KAZN: variants seen among roughly 807,000 people sequenced by gnomAD.
The protein encoded by KAZN is kazrin.
KAZN carries 40 observed loss-of-function variants against 87.4 expected under a neutral mutation model. That is an observed-to-expected ratio of 0.46 (90% CI 0.36 to 0.60). The LOEUF is 0.60. Ranked by LOEUF, KAZN falls within the 20% of genes least tolerant of loss-of-function variation. KAZN has a pLI of 0.00. For missense variants in KAZN, 898 were observed against 1,073.9 expected, an observed-to-expected ratio of 0.84 and a Z score of 2.29; for synonymous variants, 466 against 458.3, an observed-to-expected ratio of 1.02 and a Z score of -0.22.
intron 1 of KAZN, among the ~76,000 whole-genome samples, chr1:14,902,118 A>T (rs569955488): frequency 2.0e-5 from 3 of 152,310 alleles, no homozygotes; most frequent in African/African-American, 7.2e-5. Flanking sequence ...CCGTGCACGC[A>T]CTTGAAAACG....
chr1:14,904,901 A>G (rs1227781405), intron 1 of KAZN, among the ~76,000 whole-genome samples: 1 of 152,066 alleles, frequency 6.6e-6, no homozygotes, highest in African/African-American at 2.4e-5. Context: ...AGCTGGAACT[A>G]CAGGCGCTGG....
intron 2 of KAZN, among the ~76,000 whole-genome samples, chr1:14,236,202 G>T (rs984736136): frequency 1.3e-5 from 2 of 152,164 alleles, no homozygotes; most frequent in African/African-American, 4.8e-5. Flanking sequence ...ACCCTAAGTG[G>T]CTTTAGGCTC....
At position 15,103,333 on chromosome 1, in the gene KAZN, C is replaced by T. The variant is rs779022544; in HGVS notation, c.1780-26C>T. The T allele has an allele frequency of 7.2e-6, 11 of 1,535,348 alleles. No homozygotes were observed. In the African/African-American group the frequency reaches 8.3e-5, roughly 12 times the overall value. On this transcript the variant is annotated intron_variant, in intron 11 of 14. Transcript: ENST00000376030. ...GCCTCTGCGTGTCCCCTTGTCCCTC[C>T]GAATGACCCACTGTCTCCCCACAAG...
intron 2 of KAZN, among the ~76,000 whole-genome samples, chr1:14,278,814 A>G (rs1652605219): frequency 6.6e-6 from 1 of 151,702 alleles, no homozygotes; most frequent in African/African-American, 2.4e-5. Context: ...TAAATGTCCC[A>G]CATTCTGGAT....
At chr1:14,652,407 A>G (rs1340845837) in intron 1 of KAZN, among the ~76,000 whole-genome samples, 1 of 111,896 alleles carries the variant, frequency 8.9e-6, no homozygotes, top group Non-Finnish European at 1.9e-5. Flanking sequence ...TCTCTGTCTC[A>G]GCATCATATA....
intron 11 of KAZN, among the ~76,000 whole-genome samples, chr1:15,102,049 C>T (rs1641091855): frequency 6.6e-6 from 1 of 152,092 alleles, no homozygotes; most frequent in Non-Finnish European, 1.5e-5. Flanking sequence ...GTGCTCAGTG[C>T]AGGGGAAATG....
At chr1:13,896,241 T>C (rs1355392985) in intron 1 of KAZN, among the ~76,000 whole-genome samples, 1 of 152,204 alleles carries the variant, frequency 6.6e-6, no homozygotes, top group Non-Finnish European at 1.5e-5. Flanking sequence ...GGCTCTACCG[T>C]TGTAGCATGA....
chr1:14,084,844 C>A (rs1643804834), intron 1 of KAZN, among the ~76,000 whole-genome samples: 1 of 151,978 alleles, frequency 6.6e-6, no homozygotes, highest in Admixed American at 6.5e-5. Context: ...CAAACCTGCA[C>A]GTTGTGCACA....
intron 1 of KAZN, among the ~76,000 whole-genome samples, chr1:14,936,751 A>G (rs1660503796): frequency 6.6e-6 from 1 of 152,094 alleles, no homozygotes; most frequent in Non-Finnish European, 1.5e-5. Context: ...TTTCTGCCTA[A>G]AACTCCTGAC....
intron 1 of KAZN, among the ~76,000 whole-genome samples, chr1:14,672,424 A>T (rs77660550): frequency 1.2e-4 from 19 of 152,306 alleles, no homozygotes; most frequent in African/African-American, 4.1e-4. Context: ...ATGTGGCCCG[A>T]ACCCTCCCTT....
rs1410632567 is a variant in KAZN at position 15,117,204 on chromosome 1, C to T, written c.*2569C>T. The T allele has an allele frequency of 2.0e-5, 3 of 152,230 alleles. No homozygotes were observed. The highest frequency in any genetic ancestry group is 7.2e-5 in the African/African-American group (3 of 41,446). The allele number at this position is 152,230 out of a possible 1,614,324, so 9.4% of individuals were successfully genotyped here. A position where few individuals can be genotyped will look rare whatever the true frequency, so the allele number is the denominator to read the frequency against. On this transcript the variant is annotated 3_prime_UTR_variant, in exon 15 of 15. Transcript: ENST00000376030. The stretch of plus-strand genomic sequence containing the variant: ...CTGATTGTCACAGGCTACAGAGGGG[C>T]CAGCTCCAGAACAGTGACCAGCTAC...
upstream of KAZN, among the ~76,000 whole-genome samples, chr1:14,595,057 T>C (rs1676405228): frequency 6.6e-6 from 1 of 151,854 alleles, no homozygotes; most frequent in African/African-American, 2.4e-5. Flanking sequence ...AGGCAGAGAA[T>C]TGCTTGAACC....
At chr1:14,150,201 G>A (rs930329212) in intron 1 of KAZN, among the ~76,000 whole-genome samples, 4 of 152,176 alleles carry the variant, frequency 2.6e-5, no homozygotes, top group African/African-American at 9.7e-5. Flanking sequence ...TTTTTCTCTA[G>A]AGTGATGTCC....
chr1:14,037,910 T>C (rs750262118), intron 1 of KAZN, among the ~76,000 whole-genome samples: 12 of 152,220 alleles, frequency 7.9e-5, no homozygotes, highest in Non-Finnish European at 1.6e-4. Flanking sequence ...ATTGCTTGCC[T>C]GCACTGGTGC....
intron 2 of KAZN, among the ~76,000 whole-genome samples, chr1:14,239,951 A>C (rs1648793678): frequency 6.6e-6 from 1 of 152,142 alleles, no homozygotes; most frequent in South Asian, 2.1e-4. Context: ...TGCCTCAACA[A>C]AGATGTACCC....
At chr1:14,932,401 T>G (rs1045115529) in intron 1 of KAZN, among the ~76,000 whole-genome samples, 1 of 152,226 alleles carries the variant, frequency 6.6e-6, no homozygotes, top group Non-Finnish European at 1.5e-5. Context: ...GAGTTTCTAT[T>G]TACTCTCTAC....
At chr1:14,560,269 G>A (rs944763841) in intron 2 of KAZN, among the ~76,000 whole-genome samples, 9 of 152,212 alleles carry the variant, frequency 5.9e-5, no homozygotes, top group Admixed American at 3.9e-4. Flanking sequence ...TTGTAAGGGC[G>A]GCATGAGGAT....
chr1:14,985,598 C>T (rs1170832700), intron 2 of KAZN, among the ~76,000 whole-genome samples: 3 of 152,124 alleles, frequency 2.0e-5, no homozygotes, highest in Admixed American at 6.6e-5. Flanking sequence ...AATGGACAGA[C>T]GGACATTATG....
intron 2 of KAZN, among the ~76,000 whole-genome samples, chr1:15,033,043 C>G (rs182116995): frequency 6.6e-6 from 1 of 151,886 alleles, no homozygotes. Flanking sequence ...GTCATTATTC[C>G]CAAAACAATA....
Sources: gnomAD v4.1 joint callset for allele counts (sites outside exome capture counted in the v4.1 genomes callset) on GRCh38, gnomAD v4.1.1 for gene constraint, MANE v1.5 for transcripts, NCBI Gene and HGNC (gene_info 2026-07-23, HGNC 2026-07-21) for gene names.